The following TRPC3 variants were observed in gnomAD, a reference collection of about 807,000 sequenced individuals.
TRPC3 encodes the protein short transient receptor potential channel 3.
In TRPC3, 54 loss-of-function variants were observed where a neutral mutation model predicts 90.9. The observed-to-expected ratio is 0.59, with a 90% CI of 0.48 to 0.75. TRPC3 has a LOEUF of 0.75. Among genes scored for constraint, TRPC3 ranks in the 30% least tolerant of loss-of-function variants. TRPC3 has a pLI of 0.00. For synonymous variants in TRPC3, 424 were observed against 450.9 expected (o/e 0.94, Z 0.75); for missense variants, 918 against 1,194.5 (o/e 0.77, Z 3.41).
intron 1 of TRPC3, among the ~76,000 whole-genome samples, chr4:121,937,272 T>C (rs762219636): frequency 6.6e-6 from 1 of 152,210 alleles, no homozygotes; most frequent in Non-Finnish European, 1.5e-5. Context: ...TTACAATTAC[T>C]GGGAACCTCC....
At chr4:121,948,840 G>GT (rs10626464) in intron 1 of TRPC3, among the ~76,000 whole-genome samples, 43,206 of 147,900 alleles carry the variant, frequency 0.29, 6,313 homozygotes, top group African/African-American at 0.34. Context: ...ACTCTTTGCG[G>GT]TTTTTTTTTT....
chr4:121,912,035 A>G lies in TRPC3; in HGVS notation c.1400T>C (p.Ile467Thr), dbSNP rs1364945637. Residue 467 changes from isoleucine (I) to threonine (T), a missense_variant, in exon 5 of 12, where the codon ATC (isoleucine) becomes ACC (threonine). By Grantham distance (89) the Ile-to-Thr change is moderately conservative. Transcript: ENST00000379645. ...MKFVAHAASF[I>T]IFLGLLVFNA... ...GAACACAAGCAGACCCAGGAAGATG[A>G]TGAAAGAAGCTGCATGTGCTACAAA... 1 of 1,613,906 alleles carries G rather than the reference A, an allele frequency of 6.2e-7. No individual in the cohort carries two copies. Among genetic ancestry groups the G allele is most frequent in the East Asian group, 2.2e-5 (1 of 44,870 alleles).
chr4:121,935,274 A>C (rs2149145017), intron 1 of TRPC3, among the ~76,000 whole-genome samples: 1 of 152,274 alleles, frequency 6.6e-6, no homozygotes, highest in South Asian at 2.1e-4. Flanking sequence ...TTACATTATA[A>C]TCTTTCTGAA....
chr4:121,900,568 C>A (rs1274715653), intron 9 of TRPC3, among the ~76,000 whole-genome samples: 3 of 152,150 alleles, frequency 2.0e-5, no homozygotes, highest in African/African-American at 7.2e-5. Context: ...ATTCTCCAAT[C>A]GGCCACTGGA....
intron 9 of TRPC3, 122 bp from the exon 10 acceptor site, chr4:121,899,817 A>G: frequency 1.3e-6 from 1 of 749,732 alleles, no homozygotes; most frequent in Non-Finnish European, 2.2e-6. Flanking sequence ...CATTTTGTGG[A>G]AGTTGAGCTT....
chr4:121,947,347 A>G (rs1188189492), intron 1 of TRPC3, among the ~76,000 whole-genome samples: 1 of 152,072 alleles, frequency 6.6e-6, no homozygotes, highest in Non-Finnish European at 1.5e-5. Flanking sequence ...CTAAGATTCA[A>G]CAATCACTTG....
At chr4:121,912,133 C>A in intron 4 of TRPC3, 40 bp from the exon 5 acceptor site, 1 of 1,580,254 alleles carries the variant, frequency 6.3e-7, no homozygotes, top group Non-Finnish European at 8.6e-7. Context: ...TTCAGAAAAT[C>A]TGGCTTTCAC....
Position 121,910,079 on chromosome 4 carries a change from A to G in TRPC3, c.1792+75T>C, listed in dbSNP as rs1311660468. 1.8e-5 allele frequency: 21 copies of G among 1,137,958 alleles called. 1 individual carries two copies. The South Asian group carries it at 2.0e-4, about 11-fold the overall frequency. The allele number at this position is 1,137,958 out of a possible 1,614,324, so 70.5% of individuals were successfully genotyped here. A position where few individuals can be genotyped will look rare whatever the true frequency, so the allele number is the denominator to read the frequency against. On this transcript the variant is annotated intron_variant, in intron 6 of 11. Coordinates refer to ENST00000379645, the MANE Select transcript of TRPC3 (RefSeq NM_001130698.2). ...CACCTCTCATACTAAACATACTCCA[A>G]TTGGCATTTCCTTCCAAAATGTGGT...
intron 1 of TRPC3, among the ~76,000 whole-genome samples, chr4:121,936,301 A>G (rs1730125136): frequency 6.6e-6 from 1 of 152,198 alleles, no homozygotes; most frequent in Non-Finnish European, 1.5e-5. Flanking sequence ...AAAAATAAGG[A>G]AGGAATGTGG....
At chr4:121,914,140 G>A (rs1267191604) in intron 4 of TRPC3, among the ~76,000 whole-genome samples, 2 of 152,128 alleles carry the variant, frequency 1.3e-5, no homozygotes, top group Non-Finnish European at 2.9e-5. Flanking sequence ...AAAGTTGAGA[G>A]GAGAATAAAG....
chr4:121,943,682 CAA>C (rs1730396921), intron 1 of TRPC3, among the ~76,000 whole-genome samples: 2 of 151,976 alleles, frequency 1.3e-5, no homozygotes, highest in South Asian at 4.2e-4. Context: ...TCTACTGACC[CAA>C]GAGAAGTTCA....
chr4:121,894,089 T>C (rs368044123), intron 10 of TRPC3, among the ~76,000 whole-genome samples: 4 of 152,160 alleles, frequency 2.6e-5, no homozygotes, highest in Admixed American at 6.5e-5. Context: ...TTGTTCATGA[T>C]TGAGATGTTA....
At chr4:121,905,078 G>A (rs957873096) in intron 7 of TRPC3, among the ~76,000 whole-genome samples, 21 of 151,954 alleles carry the variant, frequency 1.4e-4, no homozygotes, top group African/African-American at 3.6e-4. Flanking sequence ...GAGACAGATC[G>A]AGCTTTGTGT....
chr4:121,888,445 AG>A (rs1728207372), intron 10 of TRPC3, among the ~76,000 whole-genome samples: 1 of 152,248 alleles, frequency 6.6e-6, no homozygotes, highest in Admixed American at 6.5e-5. Flanking sequence ...TAATTATAAA[AG>A]TAATTCTTTA....
At chr4:121,937,085 T>G (rs772249986) in intron 1 of TRPC3, among the ~76,000 whole-genome samples, 1 of 152,190 alleles carries the variant, frequency 6.6e-6, no homozygotes, top group African/African-American at 2.4e-5. Flanking sequence ...TTTTCCTAAC[T>G]TTGCTATCAA....
chr4:121,930,842 A>AC (rs776373024), intron 2 of TRPC3: 2 of 401,418 alleles, frequency 5.0e-6, no homozygotes, highest in South Asian at 1.8e-5. Flanking sequence ...AAAAAAAAAA[A>AC]AAAAAAAAAA....
intron 1 of TRPC3, among the ~76,000 whole-genome samples, chr4:121,935,220 T>C (rs1193229491): frequency 6.6e-6 from 1 of 152,208 alleles, no homozygotes; most frequent in African/African-American, 2.4e-5. Flanking sequence ...TTATTTTTAA[T>C]TCCTTGGTTG....
chr4:121,937,327 T>A (rs1260865568), intron 1 of TRPC3, among the ~76,000 whole-genome samples: 1 of 152,252 alleles, frequency 6.6e-6, no homozygotes, highest in Non-Finnish European at 1.5e-5. Context: ...CCCCTGGCTA[T>A]GAGGCCTTCA....
chr4:121,911,940 T>C lies in TRPC3; in HGVS notation c.1495A>G (p.Ile499Val), dbSNP rs1253829609. Residue 499 changes from isoleucine to valine, a missense_variant, in exon 5 of 12, where the codon ATC (isoleucine) becomes GTC (valine). Ile to Val is a conservative substitution (Grantham distance 29). Coordinates refer to ENST00000379645, the MANE Select transcript of TRPC3 (RefSeq NM_001130698.2). ...AACTGGGTGGTTTTCACCCTGAAGA[T>C]CTGTTTGGGATAGTCAGTAACTGTG... is the stretch of plus-strand genomic sequence containing the variant. ...NITVTDYPKQIFRVKTTQFTW... is the reference protein window; with the variant it reads ...NITVTDYPKQVFRVKTTQFTW... The C allele has an allele frequency of 6.2e-7, 1 of 1,613,856 alleles. No individual in the cohort carries two copies. The highest frequency in any genetic ancestry group is 2.2e-5 in the East Asian group (1 of 44,874).
Sources: gnomAD v4.1 joint callset for allele counts (sites outside exome capture counted in the v4.1 genomes callset) on GRCh38, gnomAD v4.1.1 for gene constraint, MANE v1.5 for transcripts, NCBI Gene and HGNC (gene_info 2026-07-23, HGNC 2026-07-21) for gene names.